Variants in LRP1B observed in about 807,000 individuals in gnomAD.
LRP1B encodes the protein low-density lipoprotein receptor-related protein 1B.
A neutral mutation model predicts 556.6 loss-of-function variants in LRP1B; 217 were observed. The ratio of observed to expected loss-of-function variants is 0.39; its 90% CI spans 0.35 to 0.44. LRP1B has a LOEUF of 0.44. Among genes scored for constraint, LRP1B ranks in the 20% least tolerant of loss-of-function variants. The pLI is 1.00. For missense variants in LRP1B, 5,053 were observed against 5,620.8 expected, an observed-to-expected ratio of 0.90 and a Z score of 3.23; for synonymous variants, 2,047 against 1,865.8, an observed-to-expected ratio of 1.10 and a Z score of -2.50.
chr2:141,678,689 C>A (rs1347092895), intron 2 of LRP1B, among the ~76,000 whole-genome samples: 1 of 152,028 alleles, frequency 6.6e-6, no homozygotes, highest in Non-Finnish European at 1.5e-5. Context: ...ATAAAACAAA[C>A]ATTATTCAAC....
At chr2:140,651,607 A>C (rs1684691255) in intron 41 of LRP1B, among the ~76,000 whole-genome samples, 1 of 151,440 alleles carries the variant, frequency 6.6e-6, no homozygotes, top group Non-Finnish European at 1.5e-5. Flanking sequence ...AAATAGGTAG[A>C]GGGAAGAAAG....
chr2:142,021,368 T>C (rs2105176729), intron 1 of LRP1B, among the ~76,000 whole-genome samples: 1 of 152,226 alleles, frequency 6.6e-6, no homozygotes, highest in Non-Finnish European at 1.5e-5. Context: ...CACAACAATA[T>C]TACTTGACTT....
intron 53 of LRP1B, among the ~76,000 whole-genome samples, chr2:140,504,869 C>T (rs1689340696): frequency 6.6e-6 from 1 of 152,158 alleles, no homozygotes; most frequent in South Asian, 2.1e-4. Context: ...CCCTCTATGG[C>T]TCCTTTGCTC....
intron 41 of LRP1B, among the ~76,000 whole-genome samples, chr2:140,688,014 T>C (rs763020802): frequency 2.0e-5 from 3 of 152,148 alleles, no homozygotes; most frequent in Non-Finnish European, 4.4e-5. Context: ...AGTTATAATA[T>C]GTACACTGTC....
chr2:142,008,126 C>T (rs761053665), intron 1 of LRP1B, among the ~76,000 whole-genome samples: 3 of 152,156 alleles, frequency 2.0e-5, no homozygotes, highest in Non-Finnish European at 4.4e-5. Flanking sequence ...GGCTTTAATG[C>T]CACTACTAAA....
chr2:140,838,082 A>G (rs1421681294), intron 31 of LRP1B, among the ~76,000 whole-genome samples: 2 of 152,106 alleles, frequency 1.3e-5, no homozygotes, highest in Non-Finnish European at 2.9e-5. Flanking sequence ...AATTCTGAAT[A>G]GGAAACTGGA....
In LRP1B at chr2:140,883,874, G is replaced by A. The variant is rs1322029733; in HGVS notation, c.4112C>T (p.Thr1371Ile). 6.2e-7 allele frequency: 1 copy of A among 1,613,752 alleles called. No individual in the cohort carries two copies. The highest frequency in any genetic ancestry group is 8.5e-7 in the Non-Finnish European group (1 of 1,179,934). Reference sequence around the variant, plus strand: ...GTGTTCCATGGCTCCTGCTATTAGTGTAGTTCTTAGGGAGCCATCTAGTTT... The same window carrying A: ...GTGTTCCATGGCTCCTGCTATTAGTATAGTTCTTAGGGAGCCATCTAGTTT... ...VAKLDGSLRT[T>I]LIAGAMEHPR... is the part of the protein sequence containing the mutation. Residue 1371 changes from threonine (T) to isoleucine (I), a missense_variant, in exon 25 of 91, where the codon ACA becomes ATA. By Grantham distance (89) the Thr-to-Ile change is moderately conservative. Transcript: ENST00000389484.
chr2:141,544,381 TCTC>T (rs1170452147), intron 2 of LRP1B, among the ~76,000 whole-genome samples: 1,452 of 79,632 alleles, frequency 0.018, 103 homozygotes, highest in African/African-American at 0.046. Flanking sequence ...TTCTTCTTCT[TCTC>T]CTCCTCCTCC....
intron 17 of LRP1B, among the ~76,000 whole-genome samples, chr2:140,984,130 G>A (rs1216998950): frequency 1.3e-5 from 2 of 151,762 alleles, no homozygotes; most frequent in East Asian, 1.9e-4. Flanking sequence ...TTACTTGACA[G>A]GAAGGGGTAA....
chr2:140,807,423 C>T (rs1213652271), intron 32 of LRP1B, among the ~76,000 whole-genome samples: 1 of 152,030 alleles, frequency 6.6e-6, no homozygotes, highest in Non-Finnish European at 1.5e-5. Flanking sequence ...TCACTGCAAC[C>T]TCTGCAGCCC....
chr2:141,101,562 GATTTAT>G (rs1324567476), intron 7 of LRP1B, among the ~76,000 whole-genome samples: 6 of 152,074 alleles, frequency 3.9e-5, no homozygotes, highest in Admixed American at 6.6e-5. Flanking sequence ...TAATAAAACC[GATTTAT>G]ATTTATATCT....
intron 2 of LRP1B, among the ~76,000 whole-genome samples, chr2:141,507,369 G>A (rs544804455): frequency 2.6e-5 from 4 of 151,178 alleles, no homozygotes; most frequent in East Asian, 2.0e-4. Flanking sequence ...TGATTAAAAT[G>A]AATTCAGTGT....
rs75708802 is a variant in LRP1B at position 140,582,668 on chromosome 2, A to G, written c.7194+15963T>C. On this transcript the variant is annotated intron_variant, in intron 43 of 90. Coordinates refer to ENST00000389484, the MANE Select transcript of LRP1B (RefSeq NM_018557.3). ...AGGATGCAACAATAAAGCACCGTCT[A>G]TGAGAGGCAGGCCTTCACCAGACAC... 4.2e-3 allele frequency among the ~76,000 whole-genome samples: 642 copies of G among 152,278 alleles called. 4 individuals carry two copies. Among genetic ancestry groups the G allele is most frequent in the South Asian group, 0.018 (89 of 4,820 alleles).
intron 67 of LRP1B, among the ~76,000 whole-genome samples, chr2:140,384,273 A>C (rs1362808541): frequency 6.6e-6 from 1 of 152,180 alleles, no homozygotes; most frequent in Non-Finnish European, 1.5e-5. Flanking sequence ...AAGAAAAGCT[A>C]AGTAGATATT....
At chr2:141,122,164 G>T (rs946416847) in intron 7 of LRP1B, among the ~76,000 whole-genome samples, 9 of 152,070 alleles carry the variant, frequency 5.9e-5, no homozygotes, top group African/African-American at 2.2e-4. Flanking sequence ...GAAAACCTAG[G>T]CAATAGCATT....
intron 35 of LRP1B, among the ~76,000 whole-genome samples, chr2:140,728,755 T>C: frequency 6.6e-6 from 1 of 152,120 alleles, no homozygotes; most frequent in South Asian, 2.1e-4. Flanking sequence ...TGTAGCATAA[T>C]GACTAAAGCC....
intron 2 of LRP1B, among the ~76,000 whole-genome samples, chr2:141,543,605 G>C (rs1354859717): frequency 6.6e-6 from 1 of 150,702 alleles, no homozygotes; most frequent in Non-Finnish European, 1.5e-5. Flanking sequence ...CACATCTGTA[G>C]TCCTAGCTAC....
intron 66 of LRP1B, among the ~76,000 whole-genome samples, chr2:140,391,211 A>T (rs1331201733): frequency 6.6e-6 from 1 of 152,192 alleles, no homozygotes; most frequent in Non-Finnish European, 1.5e-5. Context: ...TTCTTAACAT[A>T]CAATAAGTCA....
chr2:140,303,469 G>C (rs541011880), intron 83 of LRP1B, among the ~76,000 whole-genome samples: 3 of 151,630 alleles, frequency 2.0e-5, no homozygotes, highest in Non-Finnish European at 4.4e-5. Flanking sequence ...GGCTGGTCTC[G>C]AATTCCTGAC....
Sources: allele counts gnomAD v4.1 joint callset (sites outside exome capture counted in the v4.1 genomes callset), GRCh38; gene constraint gnomAD v4.1.1; transcripts MANE v1.5; gene names NCBI Gene and HGNC (gene_info 2026-07-23, HGNC 2026-07-21).